ELOVL5: variants seen among roughly 807,000 people sequenced by gnomAD.
The protein encoded by ELOVL5 is ELOVL fatty acid elongase 5, also known as very long chain fatty acid elongase 5.
ELOVL5 carries 8 observed loss-of-function variants against 38.6 expected under a neutral mutation model. That is an observed-to-expected ratio of 0.21 (90% CI 0.12 to 0.37). The LOEUF (loss-of-function observed/expected upper bound fraction) is 0.37, where lower values mean the gene tolerates loss of function less well. Ranked by LOEUF, ELOVL5 falls within the 10% of genes least tolerant of loss-of-function variation. ELOVL5 has a pLI of 1.00. For missense variants in ELOVL5, 280 were observed against 367.8 expected (o/e 0.76, Z 1.95); for synonymous variants, 127 against 133.7 (o/e 0.95, Z 0.34).
chr6:53,273,826 G>T (rs951602647), intron 5 of ELOVL5, among the ~76,000 whole-genome samples: 8 of 152,190 alleles, frequency 5.3e-5, no homozygotes, highest in African/African-American at 1.7e-4. Flanking sequence ...CAGTGCTGAG[G>T]TCATACATTT....
At chr6:53,318,938 A>G (rs76856149) in intron 1 of ELOVL5, among the ~76,000 whole-genome samples, 3,306 of 152,220 alleles carry the variant, frequency 0.022, 129 homozygotes, top group African/African-American at 0.075. Flanking sequence ...TTAAAATCTA[A>G]TATTTTACAT....
chr6:53,288,057 A>C, intron 3 of ELOVL5: 1 of 873,150 alleles, frequency 1.1e-6, no homozygotes, highest in South Asian at 1.4e-5. Flanking sequence ...TCTGCCTAAG[A>C]GGGAAACCAC....
In ELOVL5 at chr6:53,270,674, G is replaced by A; in HGVS notation, c.675C>T (p.Cys225=). The change falls in exon 7 of 8, where the codon TGC becomes TGT. Residue 225 remains cysteine (C), a synonymous_variant. Coordinates refer to ENST00000304434, the MANE Select transcript of ELOVL5 (RefSeq NM_021814.5). ...AATACAACCAACCAAGAGGGAATGT[G>A]CACGGCCAGATGACCCCGCAGCTGG... is the stretch of plus-strand genomic sequence containing the variant. ...IQTSCGVIWP[C]TFPLGWLYFQ... The A allele has an allele frequency of 6.2e-7, 1 of 1,614,158 alleles. No individual in the cohort carries two copies. The highest frequency in any genetic ancestry group is 8.5e-7 in the Non-Finnish European group (1 of 1,179,996).
chr6:53,340,189 G>A (rs1472344658), intron 1 of ELOVL5, among the ~76,000 whole-genome samples: 2 of 151,724 alleles, frequency 1.3e-5, no homozygotes, highest in African/African-American at 2.4e-5. Context: ...TTATAAAATA[G>A]AAATGTTACA....
At chr6:53,296,057 G>T (rs755354666) in intron 1 of ELOVL5, among the ~76,000 whole-genome samples, 2 of 152,080 alleles carry the variant, frequency 1.3e-5, no homozygotes, top group Non-Finnish European at 1.5e-5. Flanking sequence ...GATCCTGTCT[G>T]GGCAACAACT....
intron 1 of ELOVL5, among the ~76,000 whole-genome samples, chr6:53,347,046 G>A (rs184805336): frequency 9.5e-4 from 145 of 152,316 alleles, no homozygotes; most frequent in African/African-American, 3.3e-3. Flanking sequence ...TTGAGTCAAG[G>A]AGGTGAGGTC....
At chr6:53,348,345 C>T (rs926700939) in intron 1 of ELOVL5, among the ~76,000 whole-genome samples, 5 of 151,866 alleles carry the variant, frequency 3.3e-5, no homozygotes, top group Middle Eastern at 3.4e-3. Flanking sequence ...GCTCTTCGAA[C>T]TCACCCGGGT....
chr6:53,309,297 GGCTGCT>G (rs958137176), intron 1 of ELOVL5, among the ~76,000 whole-genome samples: 3 of 152,086 alleles, frequency 2.0e-5, no homozygotes, highest in South Asian at 2.1e-4. Context: ...ACTGCTGACA[GGCTGCT>G]GCTGCTGCTG....
Position 53,268,542 on chromosome 6 carries a change from A to G in ELOVL5, c.*585T>C, listed in dbSNP as rs1425696833. ...TTCAAAGCCAATAGTACAAAACTGA[A>G]GGTGCCGTGTCTGATTTCACATCAA... On this transcript the variant is annotated 3_prime_UTR_variant, in exon 8 of 8. Coordinates refer to ENST00000304434, the MANE Select transcript of ELOVL5 (RefSeq NM_021814.5). The G allele has an allele frequency of 6.6e-6, 1 of 152,582 alleles. No homozygotes were observed. The highest frequency in any genetic ancestry group is 2.4e-5 in the African/African-American group (1 of 41,434). 9.5% of individuals were successfully genotyped at this position (152,582 alleles called of 1,614,324 possible).
In ELOVL5 at chr6:53,304,002, C is replaced by A. The variant is rs559374862; in HGVS notation, c.-8-8295G>T. 6.6e-5 allele frequency among the ~76,000 whole-genome samples: 10 copies of A among 152,286 alleles called. No homozygotes were observed. In the South Asian group the frequency reaches 1.9e-3, roughly 28 times the overall value. On this transcript the variant is annotated intron_variant, in intron 1 of 7. Transcript: ENST00000304434. The stretch of plus-strand genomic sequence containing the variant: ...CCCTCTTGTTGCTGTCTAGACAACT[C>A]ATTTAGTATACAGCAACTTCAACTT...
chr6:53,329,203 ACTG>A (rs1768679983), intron 1 of ELOVL5, among the ~76,000 whole-genome samples: 2 of 152,200 alleles, frequency 1.3e-5, no homozygotes, highest in African/African-American at 4.8e-5. Flanking sequence ...TACTACTGCT[ACTG>A]CTACTGCTAC....
chr6:53,288,916 C>A (rs2294866), intron 3 of ELOVL5, among the ~76,000 whole-genome samples: 55,204 of 151,880 alleles, frequency 0.36, 11,143 homozygotes, highest in African/African-American at 0.55. Flanking sequence ...AAATACAAAA[C>A]TTAGCTAGAC....
At chr6:53,305,981 C>A (rs532637139) in intron 1 of ELOVL5, among the ~76,000 whole-genome samples, 2 of 152,082 alleles carry the variant, frequency 1.3e-5, no homozygotes, top group South Asian at 4.1e-4. Context: ...GCTGGCGGAT[C>A]ACTCGCGGTT....
chr6:53,278,053 C>T (rs1766208159), intron 3 of ELOVL5, among the ~76,000 whole-genome samples: 1 of 152,180 alleles, frequency 6.6e-6, no homozygotes, highest in African/African-American at 2.4e-5. Flanking sequence ...TTTTTTAAAA[C>T]AGCAGCCTCT....
intron 3 of ELOVL5, among the ~76,000 whole-genome samples, chr6:53,276,522 C>A (rs533167310): frequency 2.0e-5 from 3 of 152,284 alleles, no homozygotes; most frequent in East Asian, 3.9e-4. Flanking sequence ...CTCTGCAGAA[C>A]CCTCAGCCCG....
At chr6:53,301,551 T>G (rs1767250345) in intron 1 of ELOVL5, among the ~76,000 whole-genome samples, 1 of 151,546 alleles carries the variant, frequency 6.6e-6, no homozygotes, top group Non-Finnish European at 1.5e-5. Context: ...TAACCAGGAG[T>G]CTCTGACCTG....
chr6:53,323,350 C>A (rs577604405), intron 1 of ELOVL5, among the ~76,000 whole-genome samples: 17 of 152,218 alleles, frequency 1.1e-4, no homozygotes, highest in African/African-American at 4.1e-4. Context: ...GTTTATGTGA[C>A]ACTTAATTTG....
chr6:53,294,418 T>C (rs1766909176), intron 2 of ELOVL5: 1 of 1,550,910 alleles, frequency 6.4e-7, no homozygotes, highest in Non-Finnish European at 8.7e-7. Flanking sequence ...CTGAATGTGC[T>C]GCTTGGAGCT....
intron 3 of ELOVL5, among the ~76,000 whole-genome samples, 193 bp downstream of exon 3, chr6:53,291,583 G>C (rs1462582735): frequency 6.6e-6 from 1 of 152,088 alleles, no homozygotes; most frequent in Non-Finnish European, 1.5e-5. Flanking sequence ...TATTCTAGAA[G>C]GCATACTTGT....
Sources: gnomAD v4.1 joint callset for allele counts (sites outside exome capture counted in the v4.1 genomes callset) on GRCh38, gnomAD v4.1.1 for gene constraint, MANE v1.5 for transcripts, NCBI Gene and HGNC (gene_info 2026-07-23, HGNC 2026-07-21) for gene names.